Variants in CYB5A observed in about 807,000 individuals in gnomAD.
CYB5A encodes the protein cytochrome b5 type A, also known as cytochrome b5.
A neutral mutation model predicts 16.2 loss-of-function variants in CYB5A; 10 were observed. The ratio of observed to expected loss-of-function variants is 0.62; its 90% CI spans 0.38 to 1.04. CYB5A has a LOEUF of 1.04. Among genes scored for constraint, CYB5A ranks in the 50% least tolerant of loss-of-function variants. CYB5A has a pLI of 0.01. For missense variants in CYB5A, 161 were observed against 165.9 expected, an observed-to-expected ratio of 0.97 and a Z score of 0.16; for synonymous variants, 62 against 57.0, an observed-to-expected ratio of 1.09 and a Z score of -0.40.
intron 1 of CYB5A, among the ~76,000 whole-genome samples, chr18:74,275,952 C>A (rs1444008247): frequency 6.6e-6 from 1 of 152,158 alleles, no homozygotes; most frequent in African/African-American, 2.4e-5. Flanking sequence ...CCAACACCAG[C>A]GCGGCACCGG....
chr18:74,264,210 C>A (rs1356095298), intron 1 of CYB5A, among the ~76,000 whole-genome samples: 4 of 144,024 alleles, frequency 2.8e-5, no homozygotes, highest in South Asian at 2.2e-4. Flanking sequence ...GACTCTGTCT[C>A]AAAAAAAAAA....
At chr18:74,254,180 A>G (rs1981875776) in intron 4 of CYB5A, among the ~76,000 whole-genome samples, 2 of 152,180 alleles carry the variant, frequency 1.3e-5, no homozygotes, top group Non-Finnish European at 2.9e-5. Flanking sequence ...ACTGTCTCAA[A>G]AACAAACTAA....
At chr18:74,285,773 G>C (rs1390785756) in intron 1 of CYB5A, among the ~76,000 whole-genome samples, 1 of 149,954 alleles carries the variant, frequency 6.7e-6, no homozygotes, top group Admixed American at 6.7e-5. Flanking sequence ...GACTGGTTGA[G>C]CCCAGGAGGT....
intron 1 of CYB5A, among the ~76,000 whole-genome samples, chr18:74,264,607 A>G (rs1215768992): frequency 6.6e-6 from 1 of 152,136 alleles, no homozygotes; most frequent in Non-Finnish European, 1.5e-5. Context: ...AGGTAAAAAC[A>G]AAACAAAACA....
intron 1 of CYB5A, among the ~76,000 whole-genome samples, chr18:74,276,861 G>A (rs2145069783): frequency 6.6e-6 from 1 of 152,258 alleles, no homozygotes; most frequent in South Asian, 2.1e-4. Context: ...CCATCTGCAG[G>A]ATTAAGTCAT....
Position 74,291,777 on chromosome 18 carries a change from C to G in CYB5A, c.99G>C (p.Lys33Asn). 1.2e-6 allele frequency: 2 copies of G among 1,613,938 alleles called. No homozygotes were observed. The highest frequency in any genetic ancestry group is 1.7e-6 in the Non-Finnish European group (2 of 1,179,824). Residue 33 changes from lysine to asparagine, a missense_variant, in exon 1 of 5, where the codon AAG becomes AAC. Transcript: ENST00000340533. The stretch of plus-strand genomic sequence containing the variant: ...CCAGAAATTTGGTCAAATCGTACAC[C>G]TTGTGGTGCAGGATCAGCCAGGTGC... ...SKSTWLILHH[K>N]VYDLTKFLEE...
chr18:74,275,171 G>A (rs548812790), intron 1 of CYB5A, among the ~76,000 whole-genome samples: 4 of 152,284 alleles, frequency 2.6e-5, no homozygotes, highest in South Asian at 4.1e-4. Flanking sequence ...TGAGGGGGAC[G>A]GGGGTGGAAT....
rs1398570012 is a variant in CYB5A at position 74,263,422 on chromosome 18, T to C, written c.185A>G (p.Asn62Ser). 1 of 1,613,962 alleles carries C rather than the reference T, an allele frequency of 6.2e-7. No homozygotes were observed. The highest frequency in any genetic ancestry group is 8.5e-7 in the Non-Finnish European group (1 of 1,179,996). Residue 62 changes from asparagine (N) to serine (S), a missense_variant, in exon 2 of 5, where the codon AAC becomes AGC. By Grantham distance (46) the Asn-to-Ser change is conservative. Coordinates refer to ENST00000340533, the MANE Select transcript of CYB5A (RefSeq NM_148923.4). ...TGTAGAGTGCCCGACATCCTCAAAGTTCTCAGTAGCGTCACCTCCAGCTTG... is the reference window on the plus strand; with the variant it reads ...TGTAGAGTGCCCGACATCCTCAAAGCTCTCAGTAGCGTCACCTCCAGCTTG... Reference protein sequence around the residue: ...REQAGGDATENFEDVGHSTDA... With the variant: ...REQAGGDATESFEDVGHSTDA...
chr18:74,291,912 C>T lies in CYB5A; in HGVS notation c.-37G>A. The T allele has an allele frequency of 5.6e-6, 9 of 1,607,360 alleles. No individual in the cohort carries two copies. The highest frequency in any genetic ancestry group is 7.6e-6 in the Non-Finnish European group (9 of 1,179,766). The stretch of plus-strand genomic sequence containing the variant: ...GCGAGCCAGGCCCAGCACACACAGC[C>T]CCGTCGGGTGGAGCAGAGCGCGCGA... On this transcript the variant is annotated 5_prime_UTR_variant, in exon 1 of 5. Transcript: ENST00000340533.
chr18:74,288,587 A>G (rs962881964), intron 1 of CYB5A, among the ~76,000 whole-genome samples: 1 of 152,234 alleles, frequency 6.6e-6, no homozygotes, highest in African/African-American at 2.4e-5. Context: ...GACATTCTGC[A>G]CTCATTTCTG....
At chr18:74,288,110 C>G (rs1263923732) in intron 1 of CYB5A, among the ~76,000 whole-genome samples, 3 of 152,168 alleles carry the variant, frequency 2.0e-5, no homozygotes, top group African/African-American at 7.2e-5. Flanking sequence ...TAATAATAAG[C>G]CAGTCTTCCC....
intron 1 of CYB5A, among the ~76,000 whole-genome samples, chr18:74,271,672 C>G (rs552104628): frequency 6.8e-6 from 1 of 146,832 alleles, no homozygotes; most frequent in African/African-American, 2.5e-5. Flanking sequence ...GTGTGTGTGT[C>G]TGTGTGTGCG....
chr18:74,290,526 T>C (rs906615888), intron 1 of CYB5A, among the ~76,000 whole-genome samples: 1 of 152,204 alleles, frequency 6.6e-6, no homozygotes, highest in African/African-American at 2.4e-5. Flanking sequence ...ATTACATGTG[T>C]GAGCCACCGT....
chr18:74,289,833 G>A (rs1209465881), intron 1 of CYB5A, among the ~76,000 whole-genome samples: 1 of 149,358 alleles, frequency 6.7e-6, no homozygotes, highest in Admixed American at 6.7e-5. Context: ...CTAGTGGGTA[G>A]AACTCAGGGA....
At chr18:74,288,091 G>A (rs993136240) in intron 1 of CYB5A, among the ~76,000 whole-genome samples, 4 of 152,062 alleles carry the variant, frequency 2.6e-5, no homozygotes, top group South Asian at 2.1e-4. Context: ...CTGCTATGTC[G>A]ACTGCCATTA....
In CYB5A at chr18:74,250,926, G is replaced by C. The variant is rs1456703500; in HGVS notation, c.*2658C>G. On this transcript the variant is annotated 3_prime_UTR_variant, in exon 5 of 5. Coordinates refer to ENST00000340533, the MANE Select transcript of CYB5A (RefSeq NM_148923.4). ...CTCATGCCTGTAATTCCAGCACTTT[G>C]CGAGCCTGAGGCGGGTGGATTGCCT... 6.6e-6 allele frequency: 1 copy of C among 152,248 alleles called. No homozygotes were observed. The highest frequency in any genetic ancestry group is 2.4e-5 in the African/African-American group (1 of 41,434). The allele number at this position is 152,248 out of a possible 1,614,324, so 9.4% of individuals were successfully genotyped here.
chr18:74,275,188 T>C (rs933698904), intron 1 of CYB5A, among the ~76,000 whole-genome samples: 21 of 152,174 alleles, frequency 1.4e-4, no homozygotes, highest in African/African-American at 4.6e-4. Flanking sequence ...GAATTGTTCA[T>C]TGCTCCAATG....
chr18:74,258,592 T>C (rs1032141347), intron 3 of CYB5A: 1 of 152,192 alleles, frequency 6.6e-6, no homozygotes, highest in Non-Finnish European at 1.5e-5. Context: ...CCGATGGTTA[T>C]ACAGACACAT....
chr18:74,257,860 T>G (rs1457520400), intron 3 of CYB5A: 1 of 152,296 alleles, frequency 6.6e-6, no homozygotes, highest in Non-Finnish European at 1.5e-5. Flanking sequence ...GATGGTGCAG[T>G]GAGTCCAGAT....
Sources: allele counts gnomAD v4.1 joint callset (sites outside exome capture counted in the v4.1 genomes callset), GRCh38; gene constraint gnomAD v4.1.1; transcripts MANE v1.5; gene names NCBI Gene and HGNC (gene_info 2026-07-23, HGNC 2026-07-21).